Variants in KCNH8 observed in about 807,000 individuals in gnomAD.
KCNH8 encodes the protein potassium voltage-gated channel subfamily H member 8.
In KCNH8, 70 loss-of-function variants were observed where a neutral mutation model predicts 103.6. The observed-to-expected ratio is 0.68, with a 90% confidence interval of 0.56 to 0.82. KCNH8 has a LOEUF of 0.82. Among genes scored for constraint, KCNH8 ranks in the 40% least tolerant of loss-of-function variants. KCNH8 has a pLI of 0.00. For synonymous variants in KCNH8, 498 were observed against 489.4 expected (o/e 1.02, Z -0.23); for missense variants, 1,217 against 1,329.9 (o/e 0.92, Z 1.32).
At chr3:19,298,794 T>C (rs541405772) in intron 3 of KCNH8, among the ~76,000 whole-genome samples, 115 of 151,438 alleles carry the variant, frequency 7.6e-4, no homozygotes, top group Middle Eastern at 3.4e-3. Flanking sequence ...TGGTGGCGGG[T>C]GCCTGTAGTC....
In KCNH8 at chr3:19,534,220, G is replaced by GA; in HGVS notation, c.*121_*122insA. ...AAAGCTGGGAATCCTGCAGAAAAGA[G>GA]TGTGAGGAGCCAGGGAAAGGCAGAA... On this transcript the variant is annotated 3_prime_UTR_variant, in exon 16 of 16. Transcript: ENST00000328405. 4.2e-6 allele frequency: 3 copies of GA among 706,946 alleles called. No individual in the cohort carries two copies. Among genetic ancestry groups the GA allele is most frequent in the Non-Finnish European group, 7.0e-6 (3 of 425,994 alleles). 43.8% of individuals were successfully genotyped at this position (706,946 alleles called of 1,614,324 possible). A position where few individuals can be genotyped will look rare whatever the true frequency, so the allele number is the denominator to read the frequency against.
chr3:19,218,232 A>C (rs1333895711), intron 1 of KCNH8, among the ~76,000 whole-genome samples: 1 of 152,188 alleles, frequency 6.6e-6, no homozygotes, highest in Non-Finnish European at 1.5e-5. Flanking sequence ...TGAATTTAAG[A>C]AATTTTTAAA....
At chr3:19,420,393 A>G (rs1488536719) in intron 7 of KCNH8, among the ~76,000 whole-genome samples, 2 of 152,190 alleles carry the variant, frequency 1.3e-5, no homozygotes, top group Non-Finnish European at 2.9e-5. Context: ...ATTTTTAGCA[A>G]TCTTTCTAGC....
At chr3:19,310,438 G>T (rs2065193296) in intron 3 of KCNH8, among the ~76,000 whole-genome samples, 1 of 151,836 alleles carries the variant, frequency 6.6e-6, no homozygotes, top group South Asian at 2.1e-4. Context: ...TCCAGGGACA[G>T]ATATAACATA....
chr3:19,299,391 A>G (rs1442569657), intron 3 of KCNH8, among the ~76,000 whole-genome samples: 1 of 152,024 alleles, frequency 6.6e-6, no homozygotes, highest in Non-Finnish European at 1.5e-5. Context: ...GCCACCCAGG[A>G]GGGTGAGGTG....
At chr3:19,280,199 A>G (rs1233011181) in intron 2 of KCNH8, among the ~76,000 whole-genome samples, 1 of 152,116 alleles carries the variant, frequency 6.6e-6, no homozygotes, top group African/African-American at 2.4e-5. Flanking sequence ...CCATTTGGCT[A>G]CTATATTTTG....
At chr3:19,531,476 G>A (rs1254378525) in intron 15 of KCNH8, among the ~76,000 whole-genome samples, 1 of 152,146 alleles carries the variant, frequency 6.6e-6, no homozygotes, top group East Asian at 1.9e-4. Flanking sequence ...AGATGTTGTT[G>A]TCTTCAGAAG....
intron 7 of KCNH8, among the ~76,000 whole-genome samples, chr3:19,429,187 T>G (rs1236555017): frequency 1.3e-5 from 1 of 78,790 alleles, no homozygotes; most frequent in African/African-American, 5.4e-5. Flanking sequence ...TTTTTTTTTT[T>G]TGGAGACAAG....
At chr3:19,338,574 C>T (rs2065616509) in intron 3 of KCNH8, among the ~76,000 whole-genome samples, 1 of 151,998 alleles carries the variant, frequency 6.6e-6, no homozygotes, top group African/African-American at 2.4e-5. Flanking sequence ...TTAAGAAATA[C>T]AGCTGTACTA....
At chr3:19,305,373 A>G (rs1037805681) in intron 3 of KCNH8, among the ~76,000 whole-genome samples, 1 of 152,162 alleles carries the variant, frequency 6.6e-6, no homozygotes, top group Non-Finnish European at 1.5e-5. Flanking sequence ...CATCAAAAGG[A>G]GGCAATAAGC....
At chr3:19,153,805 T>G (rs1255106880) in intron 1 of KCNH8, among the ~76,000 whole-genome samples, 1 of 151,970 alleles carries the variant, frequency 6.6e-6, no homozygotes, top group African/African-American at 2.4e-5. Context: ...CTAATTTTTT[T>G]GCATTTTTAG....
chr3:19,294,787 G>A (rs1225848690), intron 3 of KCNH8, among the ~76,000 whole-genome samples: 1 of 152,096 alleles, frequency 6.6e-6, no homozygotes, highest in Admixed American at 6.6e-5. Context: ...CATAGGCTGT[G>A]GTAAGTACTA....
At chr3:19,408,523 A>C (rs1380018421) in intron 7 of KCNH8, among the ~76,000 whole-genome samples, 2 of 152,152 alleles carry the variant, frequency 1.3e-5, no homozygotes, top group Non-Finnish European at 2.9e-5. Flanking sequence ...CCAAAATAGA[A>C]ACTCAGAAAT....
At chr3:19,371,828 A>G (rs1448233972) in intron 5 of KCNH8, among the ~76,000 whole-genome samples, 1 of 151,234 alleles carries the variant, frequency 6.6e-6, no homozygotes, top group African/African-American at 2.4e-5. Context: ...CTTTCTACAT[A>G]TGGCTAGCCA....
At chr3:19,529,007 T>C (rs1182918775) in intron 15 of KCNH8, among the ~76,000 whole-genome samples, 4 of 152,182 alleles carry the variant, frequency 2.6e-5, no homozygotes, top group Non-Finnish European at 5.9e-5. Flanking sequence ...GAAGATTTTC[T>C]TGCCAGACAG....
rs141604440 is a variant in KCNH8, at chr3:19,345,991, T to C, written c.571-1734T>C. ...AAAAACAAAAACTTCACTTTTGAGT[T>C]TTCCCAAATCATTACCCTAGATATG... On this transcript the variant is annotated intron_variant, in intron 4 of 15. Transcript: ENST00000328405. Among the ~76,000 whole-genome samples the C allele has an allele frequency of 2.5e-3, 379 of 152,152 alleles. 1 individual carries two copies. The highest frequency in any genetic ancestry group is 8.8e-3 in the African/African-American group (366 of 41,552).
intron 11 of KCNH8, among the ~76,000 whole-genome samples, chr3:19,471,034 C>T (rs948693711): frequency 1.3e-5 from 2 of 152,016 alleles, no homozygotes; most frequent in Admixed American, 6.6e-5. Flanking sequence ...TTTCAACTTA[C>T]GTTTGCAAGT....
intron 11 of KCNH8, among the ~76,000 whole-genome samples, chr3:19,500,447 C>T (rs1296604828): frequency 6.6e-6 from 1 of 152,006 alleles, no homozygotes; most frequent in Non-Finnish European, 1.5e-5. Context: ...TAATAGACAT[C>T]TACAGAACTC....
At chr3:19,290,014 A>G (rs2064895109) in intron 3 of KCNH8, among the ~76,000 whole-genome samples, 1 of 152,154 alleles carries the variant, frequency 6.6e-6, no homozygotes, top group Admixed American at 6.5e-5. Flanking sequence ...AGCAATTGTG[A>G]ATGGGAGTTC....
Sources: gnomAD v4.1 joint callset for allele counts (sites outside exome capture counted in the v4.1 genomes callset) on GRCh38, gnomAD v4.1.1 for gene constraint, MANE v1.5 for transcripts, NCBI Gene and HGNC (gene_info 2026-07-23, HGNC 2026-07-21) for gene names.